Variants in MNAT1 observed in about 807,000 individuals in gnomAD.
MNAT1 encodes CDK-activating kinase assembly factor MAT1.
Under a neutral mutation model 42.0 loss-of-function variants are expected in MNAT1, and 43 were observed. That is an observed-to-expected ratio of 1.02 (90% CI 0.80 to 1.32). The LOEUF is 1.32. MNAT1 is among the 40% of genes most tolerant of loss of function. The pLI is 0.00. For synonymous variants in MNAT1, 118 were observed against 120.0 expected (o/e 0.98, Z 0.11); for missense variants, 306 against 350.4 (o/e 0.87, Z 1.01).
intron 1 of MNAT1, among the ~76,000 whole-genome samples, chr14:60,784,783 G>C (rs2031589845): frequency 6.6e-6 from 1 of 151,944 alleles, no homozygotes; most frequent in Non-Finnish European, 1.5e-5. Context: ...TCTTTTTACA[G>C]TTAGTTTCTG....
intron 7 of MNAT1, among the ~76,000 whole-genome samples, chr14:60,896,936 A>G (rs947968781): frequency 1.3e-5 from 2 of 152,208 alleles, no homozygotes; most frequent in African/African-American, 4.8e-5. Context: ...CATGTACTCC[A>G]GCAGATAAAG....
At chr14:60,824,016 G>T (rs2032981879) in intron 6 of MNAT1, among the ~76,000 whole-genome samples, 1 of 151,782 alleles carries the variant, frequency 6.6e-6, no homozygotes, top group Non-Finnish European at 1.5e-5. Flanking sequence ...AATTAGCTGG[G>T]CACGGTGGCA....
In MNAT1 at chr14:60,932,326, G is replaced by A. The variant is rs535647633; in HGVS notation, c.810-35903G>A. Among the ~76,000 whole-genome samples the A allele has an allele frequency of 5.3e-5, 8 of 152,016 alleles. No individual in the cohort carries two copies. In the South Asian group the frequency reaches 1.7e-3, roughly 32 times the overall value. ...TAAAACTACAGCAGCCTTAAATTAT[G>A]CTATAGGTGTTCATTGTTGGTTCAT... On this transcript the variant is annotated intron_variant, in intron 7 of 7. Coordinates refer to ENST00000261245, the MANE Select transcript of MNAT1 (RefSeq NM_002431.4).
chr14:60,895,235 A>G (rs1246891823), intron 7 of MNAT1, among the ~76,000 whole-genome samples: 1 of 152,198 alleles, frequency 6.6e-6, no homozygotes, highest in East Asian at 1.9e-4. Flanking sequence ...ATCTGAAGCT[A>G]TCTGCTTTCT....
intron 5 of MNAT1, among the ~76,000 whole-genome samples, 188 bp from the exon 6 acceptor site, chr14:60,818,534 G>T (rs1483694913): frequency 6.6e-6 from 1 of 151,870 alleles, no homozygotes; most frequent in Admixed American, 6.6e-5. Context: ...AGGTTATTTT[G>T]ATTTATGAAT....
intron 7 of MNAT1, among the ~76,000 whole-genome samples, chr14:60,943,636 A>G (rs535838556): frequency 4.6e-5 from 7 of 151,968 alleles, no homozygotes; most frequent in Non-Finnish European, 1.0e-4. Context: ...TTAATTCCTA[A>G]ACATTTCCAC....
Position 60,757,962 on chromosome 14 carries a change from C to T in MNAT1, c.89+23011C>T, listed in dbSNP as rs1425905739. On this transcript the variant is annotated intron_variant, in intron 1 of 7. Coordinates refer to ENST00000261245, the MANE Select transcript of MNAT1 (RefSeq NM_002431.4). ...ACAAACAAAATGTTACAATACACTA[C>T]AATAATTGTTATGATGAGTGTTGTT... Among the ~76,000 whole-genome samples, 4 of 152,250 alleles carry T rather than the reference C, an allele frequency of 2.6e-5. No homozygotes were observed. The East Asian group carries it at 7.7e-4, about 29-fold the overall frequency.
At position 60,969,713 on chromosome 14, in the gene MNAT1, C is replaced by G. The variant is rs769612308; in HGVS notation, c.*1364C>G. On this transcript the variant is annotated 3_prime_UTR_variant, in exon 8 of 8. Coordinates refer to ENST00000261245, the MANE Select transcript of MNAT1 (RefSeq NM_002431.4). The stretch of plus-strand genomic sequence containing the variant: ...TTTAAGTACAGTCTATAAATCTGTT[C>G]AAAGAATAGTTAGAACATTGAATGT... The G allele has an allele frequency of 6.6e-6, 1 of 151,824 alleles. No homozygotes were observed. The highest frequency in any genetic ancestry group is 2.4e-5 in the African/African-American group (1 of 41,316). 9.4% of individuals were successfully genotyped at this position (151,824 alleles called of 1,614,324 possible).
At chr14:60,775,201 T>G (rs2031205474) in intron 1 of MNAT1, among the ~76,000 whole-genome samples, 1 of 152,160 alleles carries the variant, frequency 6.6e-6, no homozygotes, top group African/African-American at 2.4e-5. Context: ...GTCTAGAGAA[T>G]AAAGTGTTCC....
chr14:60,883,178 C>T (rs545360881), intron 7 of MNAT1, among the ~76,000 whole-genome samples: 1 of 152,148 alleles, frequency 6.6e-6, no homozygotes, highest in Admixed American at 6.5e-5. Context: ...GGAGCGTTTC[C>T]CCAATGTTTA....
chr14:60,962,696 A>T (rs1439191448), intron 7 of MNAT1, among the ~76,000 whole-genome samples: 1 of 152,184 alleles, frequency 6.6e-6, no homozygotes, highest in East Asian at 1.9e-4. Flanking sequence ...AGCAATCTAT[A>T]TTCAGTTATT....
At chr14:60,892,103 T>C (rs1218963650) in intron 7 of MNAT1, among the ~76,000 whole-genome samples, 5 of 152,152 alleles carry the variant, frequency 3.3e-5, no homozygotes, top group Non-Finnish European at 5.9e-5. Flanking sequence ...ATGTGCACTT[T>C]AGAGGAATGT....
At chr14:60,862,758 T>C (rs1048521559) in intron 6 of MNAT1, among the ~76,000 whole-genome samples, 1 of 152,224 alleles carries the variant, frequency 6.6e-6, no homozygotes, top group Non-Finnish European at 1.5e-5. Context: ...TATGTTTTCA[T>C]ACAGATTAAA....
At chr14:60,839,475 A>T (rs1322316851) in intron 6 of MNAT1, among the ~76,000 whole-genome samples, 2 of 152,178 alleles carry the variant, frequency 1.3e-5, no homozygotes, top group Admixed American at 1.3e-4. Context: ...CACATACCTC[A>T]TTCTTCCTAG....
At chr14:60,942,028 A>G (rs1014499890) in intron 7 of MNAT1, among the ~76,000 whole-genome samples, 2 of 150,528 alleles carry the variant, frequency 1.3e-5, no homozygotes, top group African/African-American at 4.9e-5. Flanking sequence ...AAAAAAAAAA[A>G]AAAAGTCAAT....
intron 7 of MNAT1, among the ~76,000 whole-genome samples, chr14:60,887,977 G>C (rs983639314): frequency 2.7e-5 from 4 of 149,876 alleles, no homozygotes; most frequent in Non-Finnish European, 4.4e-5. Flanking sequence ...ACCAAAAAGA[G>C]TCCAGGACCA....
At chr14:60,862,068 G>A (rs2034107863) in intron 6 of MNAT1, among the ~76,000 whole-genome samples, 3 of 152,202 alleles carry the variant, frequency 2.0e-5, no homozygotes, top group African/African-American at 7.2e-5. Flanking sequence ...AAAGACCTAT[G>A]AGAGTGTTGT....
intron 7 of MNAT1, among the ~76,000 whole-genome samples, chr14:60,962,886 C>T (rs1328700071): frequency 6.6e-6 from 1 of 152,194 alleles, no homozygotes; most frequent in Non-Finnish European, 1.5e-5. Flanking sequence ...ATTGTATTCT[C>T]ACTAGCTGGC....
At chr14:60,885,553 A>T (rs865865131) in intron 7 of MNAT1, among the ~76,000 whole-genome samples, 7 of 151,944 alleles carry the variant, frequency 4.6e-5, no homozygotes, top group Middle Eastern at 3.2e-3. Context: ...TTCATATGTT[A>T]TCTTTGGGGA....
Sources: gnomAD v4.1 joint callset for allele counts (sites outside exome capture counted in the v4.1 genomes callset) on GRCh38, gnomAD v4.1.1 for gene constraint, MANE v1.5 for transcripts, NCBI Gene and HGNC (gene_info 2026-07-23, HGNC 2026-07-21) for gene names.